Variants in GK5 observed in about 807,000 individuals in gnomAD.
GK5 encodes the protein ATP:glycerol 3-phosphotransferase 5.
Under a neutral mutation model 77.3 loss-of-function variants are expected in GK5, and 39 were observed. The ratio of observed to expected loss-of-function variants is 0.50; its 90% CI spans 0.39 to 0.66. GK5 has a LOEUF of 0.66. Ranked by LOEUF, GK5 falls within the 30% of genes least tolerant of loss-of-function variation. GK5 has a pLI of 0.00. For synonymous variants in GK5, 211 were observed against 208.0 expected, an observed-to-expected ratio of 1.01 and a Z score of -0.13; for missense variants, 487 against 633.8, an observed-to-expected ratio of 0.77 and a Z score of 2.49.
At chr3:142,194,754 T>C (rs1345491450) in intron 5 of GK5, among the ~76,000 whole-genome samples, 1 of 151,526 alleles carries the variant, frequency 6.6e-6, no homozygotes, top group African/African-American at 2.4e-5. Flanking sequence ...ATTTATAATA[T>C]TAGTGCTAAT....
At chr3:142,165,918 T>C (rs2063468927) in intron 15 of GK5, 148 bp from the exon 16 acceptor site, 4 of 555,208 alleles carry the variant, frequency 7.2e-6, no homozygotes, top group South Asian at 5.6e-5. Flanking sequence ...TTGAATTTTG[T>C]TAGATCGATC....
chr3:142,166,542 T>TC (rs1043247379), intron 15 of GK5, among the ~76,000 whole-genome samples: 2 of 150,530 alleles, frequency 1.3e-5, no homozygotes, highest in African/African-American at 4.9e-5. Context: ...CAAGAGAACT[T>TC]TTTTTTTTTG....
chr3:142,203,783 CAAT>C (rs1046303661), intron 4 of GK5, among the ~76,000 whole-genome samples: 32 of 152,070 alleles, frequency 2.1e-4, no homozygotes, highest in Admixed American at 1.2e-3. Flanking sequence ...CAAAAAATAA[CAAT>C]AATAAAATAA....
rs190821927 is a variant in GK5, at chr3:142,165,520, T to C, written c.*102A>G. 51 of 782,284 alleles carry C rather than the reference T, an allele frequency of 6.5e-5. No individual in the cohort carries two copies. The Admixed American group carries it at 1.5e-3, about 24-fold the overall frequency. The allele number at this position is 782,284 out of a possible 1,614,324, so 48.5% of individuals were successfully genotyped here. A position where few individuals can be genotyped will look rare whatever the true frequency, so the allele number is the denominator to read the frequency against. On this transcript the variant is annotated 3_prime_UTR_variant, in exon 16 of 16. Coordinates refer to ENST00000392993, the MANE Select transcript of GK5 (RefSeq NM_001039547.3). ...CTTAAGTTATGAAGCTTATTTAAAA[T>C]TTTCTCCTCTTAGTCATTGTCATAT... is the stretch of plus-strand genomic sequence containing the variant.
chr3:142,208,888 G>A (rs745692591), intron 3 of GK5, among the ~76,000 whole-genome samples: 7 of 152,174 alleles, frequency 4.6e-5, no homozygotes, highest in Non-Finnish European at 8.8e-5. Context: ...GGTGGCTCAC[G>A]CCTGTAATCC....
At chr3:142,186,024 C>A in intron 8 of GK5, 35 bp from the exon 9 acceptor site, 2 of 1,499,922 alleles carry the variant, frequency 1.3e-6, no homozygotes, top group Non-Finnish European at 1.8e-6. Context: ...TTAGTTACAG[C>A]TCTAGAAATA....
intron 1 of GK5, among the ~76,000 whole-genome samples, chr3:142,223,008 G>T (rs907495448): frequency 2.6e-5 from 4 of 152,158 alleles, no homozygotes; most frequent in Admixed American, 6.5e-5. Flanking sequence ...ATCTACGACT[G>T]TGCTTTATCC....
rs1047626523 is a variant in GK5 at position 142,171,418 on chromosome 3, C to A, written c.1307+1G>T. 2.7e-6 allele frequency: 4 copies of A among 1,478,498 alleles called. No homozygotes were observed. The highest frequency in any genetic ancestry group is 3.6e-6 in the Non-Finnish European group (4 of 1,097,282). The allele number at this position is 1,478,498 out of a possible 1,614,324, so 91.6% of individuals were successfully genotyped here. A position where few individuals can be genotyped will look rare whatever the true frequency, so the allele number is the denominator to read the frequency against. ...GTCTATTAGAAATAAACTTTACATA[C>A]CGGATTTTTCTTACAGGAATATGAA... On this transcript the variant is annotated splice_donor_variant, in intron 14 of 15. Coordinates refer to ENST00000392993, the MANE Select transcript of GK5 (RefSeq NM_001039547.3). LOFTEE classifies it high-confidence loss of function.
At position 142,176,131 on chromosome 3, in the gene GK5, T is replaced by G. The variant is rs147237680; in HGVS notation, c.1143+1351A>C. ...CCTGAAGAGGATGCAATGGAATCAA[T>G]TCACAAGCTCTCGGTCCTTTAGGAT... On this transcript the variant is annotated intron_variant, in intron 12 of 15. Transcript: ENST00000392993. 1.3e-4 allele frequency among the ~76,000 whole-genome samples: 20 copies of G among 152,192 alleles called. No homozygotes were observed. In the East Asian group the frequency reaches 2.5e-3, roughly 19 times the overall value.
chr3:142,191,148 T>G (rs2063844265), intron 5 of GK5, among the ~76,000 whole-genome samples: 1 of 151,986 alleles, frequency 6.6e-6, no homozygotes, highest in Non-Finnish European at 1.5e-5. Context: ...GTTCAAAAGA[T>G]TCTTCTGCCT....
intron 11 of GK5, among the ~76,000 whole-genome samples, chr3:142,178,204 T>C (rs2063646972): frequency 6.6e-6 from 1 of 152,166 alleles, no homozygotes; most frequent in Non-Finnish European, 1.5e-5. Context: ...ATCAATTCTA[T>C]GTAGGATTTT....
intron 5 of GK5, among the ~76,000 whole-genome samples, chr3:142,197,100 T>C (rs1172943993): frequency 6.6e-6 from 1 of 151,718 alleles, no homozygotes; most frequent in African/African-American, 2.4e-5. Flanking sequence ...GGCAGGAGAA[T>C]GATGTGAATC....
Position 142,164,322 on chromosome 3 carries a change from A to G in GK5, c.*1300T>C, listed in dbSNP as rs765752954. 4.6e-5 allele frequency: 7 copies of G among 152,222 alleles called. No individual in the cohort carries two copies. The highest frequency in any genetic ancestry group is 1.0e-4 in the Non-Finnish European group (7 of 68,048). 9.4% of individuals were successfully genotyped at this position (152,222 alleles called of 1,614,324 possible). A position where few individuals can be genotyped will look rare whatever the true frequency, so the allele number is the denominator to read the frequency against. ...GATTTTATGTGCCAAATCCTGACCA[A>G]GAGAGAAATAAAGTCATTATTGCTG... On this transcript the variant is annotated 3_prime_UTR_variant, in exon 16 of 16. Coordinates refer to ENST00000392993, the MANE Select transcript of GK5 (RefSeq NM_001039547.3).
chr3:142,170,294 A>C (rs769509294), intron 15 of GK5, 31 bp downstream of exon 15: 2 of 1,610,832 alleles, frequency 1.2e-6, no homozygotes, highest in East Asian at 4.5e-5. Context: ...GTTTGCAAGA[A>C]AACTCTCATT....
At chr3:142,223,103 G>A (rs1007470288) in intron 1 of GK5, among the ~76,000 whole-genome samples, 3 of 152,024 alleles carry the variant, frequency 2.0e-5, no homozygotes, top group African/African-American at 7.2e-5. Context: ...TAGAGTCTGT[G>A]CAAATCTTCC....
intron 1 of GK5, among the ~76,000 whole-genome samples, chr3:142,216,502 G>T (rs1276435929): frequency 1.3e-5 from 2 of 151,792 alleles, no homozygotes; most frequent in Non-Finnish European, 2.9e-5. Context: ...TCAGATGAGC[G>T]GTGATCCCAA....
At chr3:142,210,397 T>C (rs2064175102) in intron 3 of GK5, among the ~76,000 whole-genome samples, 1 of 152,196 alleles carries the variant, frequency 6.6e-6, no homozygotes, top group Non-Finnish European at 1.5e-5. Flanking sequence ...GGCCCTGTGC[T>C]GTGCCCATCT....
At chr3:142,219,231 G>T (rs1424338787) in intron 1 of GK5, among the ~76,000 whole-genome samples, 1 of 152,256 alleles carries the variant, frequency 6.6e-6, no homozygotes, top group East Asian at 1.9e-4. Context: ...CTATAAGGTT[G>T]TACACAGGAC....
chr3:142,222,795 A>G, intron 1 of GK5, among the ~76,000 whole-genome samples: 1 of 151,908 alleles, frequency 6.6e-6, no homozygotes, highest in East Asian at 1.9e-4. Context: ...AAGTTTCCAG[A>G]AAAAAAAGGC....
Sources: gnomAD v4.1 joint callset for allele counts (sites outside exome capture counted in the v4.1 genomes callset) on GRCh38, gnomAD v4.1.1 for gene constraint, MANE v1.5 for transcripts, NCBI Gene and HGNC (gene_info 2026-07-23, HGNC 2026-07-21) for gene names.